The following TMTC2 variants were observed in gnomAD, a reference collection of about 807,000 sequenced individuals.
TMTC2 encodes transmembrane O-mannosyltransferase targeting cadherins 2.
TMTC2 carries 43 observed loss-of-function variants against 82.4 expected under a neutral mutation model. The observed-to-expected ratio is 0.52, with a 90% CI of 0.41 to 0.67. TMTC2 has a LOEUF of 0.67. Ranked by LOEUF, TMTC2 falls within the 30% of genes least tolerant of loss-of-function variation. The pLI, the probability that TMTC2 is intolerant of heterozygous loss-of-function variation, is 0.00. For missense variants in TMTC2, 919 were observed against 1,012.4 expected (o/e 0.91, Z 1.25); for synonymous variants, 408 against 381.9 (o/e 1.07, Z -0.80).
chr12:82,997,557 A>G (rs1261768246), intron 8 of TMTC2, among the ~76,000 whole-genome samples: 1 of 149,570 alleles, frequency 6.7e-6, no homozygotes, highest in African/African-American at 2.4e-5. Flanking sequence ...AAGCTGACTC[A>G]ACAAGTAATG....
In TMTC2 at chr12:82,857,296, G is replaced by C. The variant is rs1565780480; in HGVS notation, c.370G>C (p.Ala124Pro). 3.1e-6 allele frequency: 5 copies of C among 1,614,190 alleles called. No individual in the cohort carries two copies. Among genetic ancestry groups the C allele is most frequent in the Non-Finnish European group, 4.2e-6 (5 of 1,180,038 alleles). ...YWTFMAGLMF[A>P]SHPIHTEAVA... The stretch of plus-strand genomic sequence containing the variant: ...GACATTCATGGCTGGCTTGATGTTT[G>C]CTTCTCACCCCATTCACACGGAGGC... Residue 124 changes from alanine to proline, a missense_variant, in exon 2 of 12, where the codon GCT becomes CCT. Ala to Pro is a conservative substitution (Grantham distance 27). Coordinates refer to ENST00000321196, the MANE Select transcript of TMTC2 (RefSeq NM_152588.3).
chr12:82,744,315 C>T (rs1250746702), intron 1 of TMTC2, among the ~76,000 whole-genome samples: 3 of 152,092 alleles, frequency 2.0e-5, no homozygotes, highest in Admixed American at 1.3e-4. Context: ...CCCAGCTACT[C>T]GGGAGGCTGA....
intron 1 of TMTC2, among the ~76,000 whole-genome samples, chr12:82,693,752 G>A (rs936088751): frequency 4.6e-5 from 7 of 151,982 alleles, no homozygotes; most frequent in East Asian, 3.9e-4. Context: ...GGTGGATCAC[G>A]AGTTCAGGAG....
At chr12:82,747,430 A>G (rs138228330) in intron 1 of TMTC2, among the ~76,000 whole-genome samples, 55 of 152,318 alleles carry the variant, frequency 3.6e-4, no homozygotes, top group African/African-American at 9.9e-4. Flanking sequence ...TTTTAACTGT[A>G]TCTTACTATG....
intron 1 of TMTC2, 137 bp downstream of exon 1, chr12:82,687,806 A>C (rs1225314759): frequency 1.2e-6 from 1 of 809,116 alleles, no homozygotes; most frequent in Non-Finnish European, 1.9e-6. Context: ...ACACGTAAAC[A>C]TTAACACCTA....
At chr12:83,075,464 TC>T in intron 11 of TMTC2, among the ~76,000 whole-genome samples, 1 of 152,008 alleles carries the variant, frequency 6.6e-6, no homozygotes, top group Non-Finnish European at 1.5e-5. Context: ...GACACACCCC[TC>T]CCCCCAAAAT....
chr12:82,741,496 A>G (rs2136953739), intron 1 of TMTC2, among the ~76,000 whole-genome samples: 1 of 152,192 alleles, frequency 6.6e-6, no homozygotes, highest in African/African-American at 2.4e-5. Flanking sequence ...TTTTTAGTAG[A>G]GATGGGGTTT....
At chr12:82,828,397 G>A (rs1012222860) in intron 1 of TMTC2, among the ~76,000 whole-genome samples, 10 of 151,694 alleles carry the variant, frequency 6.6e-5, no homozygotes, top group Admixed American at 3.9e-4. Context: ...ATGGGGTTTC[G>A]CCAGGTGGGC....
At chr12:83,013,388 T>A (rs1247436936) in intron 8 of TMTC2, among the ~76,000 whole-genome samples, 1 of 152,172 alleles carries the variant, frequency 6.6e-6, no homozygotes, top group Non-Finnish European at 1.5e-5. Context: ...GCACATAGCT[T>A]ATTCTACTCA....
intron 1 of TMTC2, among the ~76,000 whole-genome samples, chr12:82,796,655 A>G (rs1299024556): frequency 6.6e-6 from 1 of 152,136 alleles, no homozygotes; most frequent in East Asian, 1.9e-4. Context: ...TCTAAGTGAC[A>G]GCCTCCTCCT....
Position 82,857,415 on chromosome 12 carries a change from C to G in TMTC2, c.489C>G (p.Gly163=). The change falls in exon 2 of 12, where the codon GGC becomes GGG. Residue 163 remains glycine, a synonymous_variant. Transcript: ENST00000321196. ...ACATTAAACACTGTTCTACAAGAGG[C>G]TACTCAGCCAGAACCTGGGGCTGGT... ...LCYIKHCSTR[G]YSARTWGWFL... 2.5e-6 allele frequency: 4 copies of G among 1,614,220 alleles called. No individual in the cohort carries two copies. Among genetic ancestry groups the G allele is most frequent in the Non-Finnish European group, 3.4e-6 (4 of 1,180,040 alleles).
chr12:82,844,184 G>A (rs1443273642), intron 1 of TMTC2, among the ~76,000 whole-genome samples: 3 of 152,168 alleles, frequency 2.0e-5, no homozygotes, highest in Admixed American at 2.0e-4. Flanking sequence ...CATAGCCAGA[G>A]GGTACTTTTC....
At chr12:83,079,063 CA>C (rs1202823724) in intron 11 of TMTC2, among the ~76,000 whole-genome samples, 1 of 151,918 alleles carries the variant, frequency 6.6e-6, no homozygotes, top group Non-Finnish European at 1.5e-5. Context: ...TTAATAACTA[CA>C]AAAAATTAAT....
chr12:82,899,663 A>C (rs967572119), intron 3 of TMTC2, among the ~76,000 whole-genome samples: 3 of 140,144 alleles, frequency 2.1e-5, no homozygotes, highest in African/African-American at 8.0e-5. Flanking sequence ...ATATATATAT[A>C]AGAATATATA....
chr12:82,995,428 C>G (rs1460320291), intron 8 of TMTC2, among the ~76,000 whole-genome samples: 1 of 152,048 alleles, frequency 6.6e-6, no homozygotes, highest in Non-Finnish European at 1.5e-5. Context: ...TGGTTCAAAA[C>G]CTGCCTGGCC....
intron 1 of TMTC2, among the ~76,000 whole-genome samples, chr12:82,767,642 T>A (rs1436643677): frequency 2.6e-5 from 4 of 152,170 alleles, no homozygotes; most frequent in Admixed American, 2.6e-4. Context: ...TTTTATTAAT[T>A]TTGTCCTTTA....
chr12:82,766,859 C>T (rs1876990810), intron 1 of TMTC2, among the ~76,000 whole-genome samples: 1 of 152,110 alleles, frequency 6.6e-6, no homozygotes, highest in African/African-American at 2.4e-5. Context: ...AGTGCGGTGG[C>T]ATGATCTCGG....
At chr12:82,829,272 C>T (rs1244558196) in intron 1 of TMTC2, among the ~76,000 whole-genome samples, 1 of 152,168 alleles carries the variant, frequency 6.6e-6, no homozygotes, top group Admixed American at 6.5e-5. Context: ...GCTTGAGTTA[C>T]TTTCATGGTA....
chr12:82,943,303 T>A (rs1876822647), intron 4 of TMTC2, among the ~76,000 whole-genome samples: 1 of 152,216 alleles, frequency 6.6e-6, no homozygotes, highest in South Asian at 2.1e-4. Context: ...GACATTCATC[T>A]AAGACAGCCT....
Sources: gnomAD v4.1 joint callset for allele counts (sites outside exome capture counted in the v4.1 genomes callset) on GRCh38, gnomAD v4.1.1 for gene constraint, MANE v1.5 for transcripts, NCBI Gene and HGNC (gene_info 2026-07-23, HGNC 2026-07-21) for gene names.